The following EBF4 variants were observed in gnomAD, a reference collection of about 807,000 sequenced individuals.
The protein encoded by EBF4 is transcription factor COE4.
In EBF4, 34 loss-of-function variants were observed where a neutral mutation model predicts 67.1. The observed-to-expected ratio is 0.51, with a 90% confidence interval of 0.39 to 0.67. The LOEUF (loss-of-function observed/expected upper bound fraction) is 0.67. Ranked by LOEUF, EBF4 falls within the 30% of genes least tolerant of loss-of-function variation. The probability of loss-of-function intolerance (pLI) is 0.00; values close to 1 mark genes in which losing one functional copy is unlikely to be tolerated. For synonymous variants in EBF4, 387 were observed against 377.7 expected (o/e 1.02, Z -0.29); for missense variants, 837 against 873.3 (o/e 0.96, Z 0.52).
rs2088269774 is a variant in EBF4 at position 2,757,895 on chromosome 20, T to C, written c.1739-1014T>C. ...CTGGGAGGTCAAGGCTGCAGTAAGC[T>C]GAGATTGCACCATTGCACTCCAGTC... On this transcript the variant is annotated intron_variant, in intron 15 of 16. Transcript: ENST00000609451. Among the ~76,000 whole-genome samples the C allele has an allele frequency of 2.6e-5, 4 of 152,306 alleles. No homozygotes were observed. The South Asian group carries it at 8.3e-4, about 32-fold the overall frequency.
chr20:2,706,325 C>G (rs577994431), intron 4 of EBF4, 61 bp downstream of exon 4: 55 of 1,541,688 alleles, frequency 3.6e-5, no homozygotes, highest in Non-Finnish European at 4.3e-5. Flanking sequence ...CTGCCTCCCC[C>G]TGGTCTGAGT....
At chr20:2,720,692 G>A (rs2087668694) in intron 6 of EBF4, among the ~76,000 whole-genome samples, 1 of 151,980 alleles carries the variant, frequency 6.6e-6, no homozygotes, top group Admixed American at 6.5e-5. Context: ...CTTTTAATGA[G>A]ATTTAAATAA....
chr20:2,708,563 G>T (rs11087555), intron 5 of EBF4, among the ~76,000 whole-genome samples: 28 of 152,004 alleles, frequency 1.8e-4, no homozygotes, highest in Non-Finnish European at 3.5e-4. Flanking sequence ...AAGAGAACAG[G>T]GTTCTGAAAT....
exon 2 of EBF4, chr20:2,705,652 C>T (rs1439902421): frequency 1.0e-5 from 16 of 1,553,152 alleles, no homozygotes; most frequent in East Asian, 7.3e-5. Flanking sequence ...TCTTCCACTT[C>T]GTGCTGGCCA....
chr20:2,731,017 G>A (rs546822953), intron 6 of EBF4, among the ~76,000 whole-genome samples: 1 of 152,280 alleles, frequency 6.6e-6, no homozygotes, highest in East Asian at 1.9e-4. Context: ...TCCTGCCTCA[G>A]CCTCCCGAGT....
At chr20:2,703,734 A>G (rs1355414548) in intron 1 of EBF4, among the ~76,000 whole-genome samples, 1 of 149,814 alleles carries the variant, frequency 6.7e-6, no homozygotes, top group Non-Finnish European at 1.5e-5. Flanking sequence ...AAAAAAACCG[A>G]CTCCAAAACT....
In EBF4 at chr20:2,737,713, G is replaced by A. The variant is rs1304227049; in HGVS notation, c.558-10836G>A. 2.0e-5 allele frequency among the ~76,000 whole-genome samples: 3 copies of A among 151,832 alleles called. No individual in the cohort carries two copies. In the East Asian group the frequency reaches 5.8e-4, roughly 29 times the overall value. On this transcript the variant is annotated intron_variant, in intron 6 of 16. Coordinates refer to ENST00000609451, the Ensembl canonical transcript of EBF4. ...AGGCCGGGCGCAGTGGCTCACACCT[G>A]TAATCCCAGCACTTTGGGAGGCCGA... is the stretch of plus-strand genomic sequence containing the variant.
chr20:2,693,341 C>T (rs1300488592), upstream of EBF4, among the ~76,000 whole-genome samples: 1 of 150,564 alleles, frequency 6.6e-6, no homozygotes, highest in Non-Finnish European at 1.5e-5. This position sits in a 1 kb window ranked among gnomAD's most constrained non-coding sequence, Gnocchi z 4.6. Context: ...CCGCGCGGAC[C>T]GGGTGCGGGC....
At chr20:2,722,222 T>A (rs1202909465) in intron 6 of EBF4, among the ~76,000 whole-genome samples, 1 of 152,142 alleles carries the variant, frequency 6.6e-6, no homozygotes, top group African/African-American at 2.4e-5. Context: ...TATGATTTCT[T>A]AGATGGTCCA....
In EBF4 at chr20:2,739,347, G is replaced by A. The variant is rs1388519228; in HGVS notation, c.558-9202G>A. ...GGAGCTGTTAGTCCCTTTGCATGGA[G>A]GGCCCTGCCTCCTACTTCTCGGTGA... is the stretch of plus-strand genomic sequence containing the variant. On this transcript the variant is annotated intron_variant, in intron 6 of 16. Coordinates refer to ENST00000609451, the Ensembl canonical transcript of EBF4. This position sits in a 1 kb window ranked among gnomAD's most constrained non-coding sequence, Gnocchi z 4.5. 6.6e-6 allele frequency among the ~76,000 whole-genome samples: 1 copy of A among 151,776 alleles called. No homozygotes were observed. Among genetic ancestry groups the A allele is most frequent in the Non-Finnish European group, 1.5e-5 (1 of 67,962 alleles).
rs561128361 is a variant in EBF4 at position 2,756,583 on chromosome 20, A to C, written c.1738+759A>C. 1.3e-5 allele frequency among the ~76,000 whole-genome samples: 2 copies of C among 152,332 alleles called. No homozygotes were observed. The highest frequency in any genetic ancestry group is 3.9e-4 in the East Asian group (2 of 5,180). On this transcript the variant is annotated intron_variant, in intron 15 of 16. Transcript: ENST00000609451. The surrounding 1 kb of genome is among the most constrained non-coding windows in gnomAD (Gnocchi z 4.5). ...TTACAGGTGTTTTCTTTTCTGGCTAAGGGATGCTTCCACGGGATCCCCTAG... is the reference window on the plus strand; with the variant it reads ...TTACAGGTGTTTTCTTTTCTGGCTACGGGATGCTTCCACGGGATCCCCTAG...
intron 10 of EBF4, 70 bp downstream of exon 10, chr20:2,750,043 C>G (rs542076112): frequency 1.4e-5 from 21 of 1,478,404 alleles, no homozygotes; most frequent in Middle Eastern, 3.7e-4. Flanking sequence ...CACTGGTCTC[C>G]GTTCTTGGTG....
intron 6 of EBF4, among the ~76,000 whole-genome samples, chr20:2,748,100 G>C (rs1224550970): frequency 1.3e-5 from 2 of 152,156 alleles, no homozygotes; most frequent in African/African-American, 4.8e-5. Context: ...CATATACTGT[G>C]ACGTATACAC....
chr20:2,716,253 G>T (rs6115647), intron 6 of EBF4, among the ~76,000 whole-genome samples: 24,041 of 148,626 alleles, frequency 0.16, 2,147 homozygotes, highest in East Asian at 0.29. Context: ...CTTGCCAGGC[G>T]CAGTGGCTCA....
At chr20:2,703,776 T>C (rs777093000) in intron 1 of EBF4, among the ~76,000 whole-genome samples, 14 of 152,016 alleles carry the variant, frequency 9.2e-5, no homozygotes, top group Non-Finnish European at 1.6e-4. Flanking sequence ...ATTTATTATC[T>C]CACACAATTT....
intron 6 of EBF4, among the ~76,000 whole-genome samples, chr20:2,711,810 A>G (rs1372162960): frequency 6.6e-6 from 1 of 152,236 alleles, no homozygotes; most frequent in African/African-American, 2.4e-5. Context: ...ATAACAGCTA[A>G]GAAAAATAAA....
At chr20:2,700,470 C>T (rs1278629716) in intron 1 of EBF4, among the ~76,000 whole-genome samples, 4 of 152,128 alleles carry the variant, frequency 2.6e-5, no homozygotes, top group African/African-American at 4.8e-5. Flanking sequence ...TCTTAGGCAG[C>T]GCCACTTTGG....
intron 6 of EBF4, among the ~76,000 whole-genome samples, chr20:2,720,096 GTCT>G: frequency 6.6e-6 from 1 of 152,098 alleles, no homozygotes; most frequent in Admixed American, 6.5e-5. Flanking sequence ...GAATTATTAT[GTCT>G]TCTTGTTTAA....
intron 6 of EBF4, among the ~76,000 whole-genome samples, chr20:2,716,771 A>G (rs1424191847): frequency 6.6e-6 from 1 of 152,174 alleles, no homozygotes; most frequent in Non-Finnish European, 1.5e-5. Flanking sequence ...GCTATGTCCT[A>G]TATCAAGTTT....
Sources: gnomAD v4.1 joint callset for allele counts (sites outside exome capture counted in the v4.1 genomes callset) on GRCh38, gnomAD v4.1.1 for gene constraint, Gnocchi (gnomAD v3.1) non-coding constraint, MANE v1.5 for transcripts, NCBI Gene and HGNC (gene_info 2026-07-23, HGNC 2026-07-21) for gene names.